Variants in IRX1 observed in about 807,000 individuals in gnomAD.
The protein encoded by IRX1 is iroquois homeobox 1.
In IRX1, 22 loss-of-function variants were observed where a neutral mutation model predicts 34.1. That is an observed-to-expected ratio of 0.64 (90% CI 0.46 to 0.92). The LOEUF is 0.92. Ranked by LOEUF, IRX1 falls within the 40% of genes least tolerant of loss-of-function variation. The probability of loss-of-function intolerance (pLI) is 0.00; values close to 1 mark genes in which losing one functional copy is unlikely to be tolerated. For synonymous variants in IRX1, 363 were observed against 319.0 expected, an observed-to-expected ratio of 1.14 and a Z score of -1.47; for missense variants, 758 against 680.0, an observed-to-expected ratio of 1.11 and a Z score of -1.28.
rs1293538044 is a variant in IRX1 at position 3,600,596 on chromosome 5, C to T, written c.1313-13C>T. 10 of 1,610,302 alleles carry T rather than the reference C, an allele frequency of 6.2e-6. No individual in the cohort carries two copies. Among genetic ancestry groups the T allele is most frequent in the Non-Finnish European group, 8.5e-6 (10 of 1,176,938 alleles). The stretch of plus-strand genomic sequence containing the variant: ...CTCTCCGTCCTAACTCTGCCTCTTC[C>T]GATCTCTCGCAGAGAGAGACCTCGT... On this transcript the variant is annotated splice_polypyrimidine_tract_variant and intron_variant, in intron 2 of 3. Coordinates refer to ENST00000302006, the MANE Select transcript of IRX1 (RefSeq NM_024337.4).
At chr5:3,597,941 G>GGA (rs927711868) in intron 1 of IRX1, among the ~76,000 whole-genome samples, 7 of 152,284 alleles carry the variant, frequency 4.6e-5, no homozygotes, top group African/African-American at 1.7e-4. Context: ...TGCGGGGGAG[G>GGA]GAGAGAGCTT....
At position 3,599,656 on chromosome 5, in the gene IRX1, C is replaced by A. The variant is rs1733901597; in HGVS notation, c.708C>A (p.His236Gln). 6.2e-7 allele frequency: 1 copy of A among 1,613,660 alleles called. No homozygotes were observed. Among genetic ancestry groups the A allele is most frequent in the Non-Finnish European group, 8.5e-7 (1 of 1,180,044 alleles). ...ESIDIDKIDEHDGDQSNEDDE... is the reference protein window; with the variant it reads ...ESIDIDKIDEQDGDQSNEDDE... ...TCGACATTGACAAGATCGACGAGCA[C>A]GATGGCGACCAGAGCAACGAGGATG... is the stretch of plus-strand genomic sequence containing the variant. Residue 236 changes from histidine to glutamine, a missense_variant, in exon 2 of 4, where the codon CAC becomes CAA. Physicochemically the swap from His to Gln is conservative, Grantham distance 24. Transcript: ENST00000302006. The surrounding 1 kb of genome is among the most constrained non-coding windows in gnomAD (Gnocchi z 6.6).
intron 1 of IRX1, among the ~76,000 whole-genome samples, chr5:3,597,420 C>T (rs894393641): frequency 6.6e-6 from 1 of 152,222 alleles, no homozygotes; most frequent in Non-Finnish European, 1.5e-5. Flanking sequence ...GATATCTCCC[C>T]GCTCCCCGCA....
At chr5:3,600,523 A>G (rs1180547479) in intron 2 of IRX1, 86 bp from the exon 3 acceptor site, 13 of 1,264,278 alleles carry the variant, frequency 1.0e-5, no homozygotes, top group Non-Finnish European at 1.4e-5. Context: ...CTGCCTGGGC[A>G]GCCGGCAGAA....
chr5:3,599,069 A>C lies in IRX1; in HGVS notation c.277-156A>C, dbSNP rs1043306587. Among the ~76,000 whole-genome samples the C allele has an allele frequency of 2.6e-5, 4 of 152,122 alleles. No homozygotes were observed. Among genetic ancestry groups the C allele is most frequent in the African/African-American group, 9.7e-5 (4 of 41,434 alleles). Reference sequence around the variant, plus strand: ...GGTGACTTCCTGATCTGCCCAGCACAGGAGAGCCCCGCAAAGCGCCTGGGA... The same window carrying C: ...GGTGACTTCCTGATCTGCCCAGCACCGGAGAGCCCCGCAAAGCGCCTGGGA... On this transcript the variant is annotated intron_variant, in intron 1 of 3. Coordinates refer to ENST00000302006, the MANE Select transcript of IRX1 (RefSeq NM_024337.4). The surrounding 1 kb of genome is among the most constrained non-coding windows in gnomAD (Gnocchi z 6.6).
chr5:3,597,314 G>C (rs1486099697), intron 1 of IRX1, among the ~76,000 whole-genome samples: 1 of 152,148 alleles, frequency 6.6e-6, no homozygotes, highest in East Asian at 1.9e-4. Context: ...CTTAAACTTC[G>C]GACGGCTGGT....
rs776412030 is a variant in IRX1, at chr5:3,599,649, A to T, written c.701A>T (p.Asp234Val). 3 of 1,613,796 alleles carry T rather than the reference A, an allele frequency of 1.9e-6. No homozygotes were observed. The highest frequency in any genetic ancestry group is 2.5e-6 in the Non-Finnish European group (3 of 1,180,000). ...DLESIDIDKI[D>V]EHDGDQSNED... The stretch of plus-strand genomic sequence containing the variant: ...GAAAGCATCGACATTGACAAGATCG[A>T]CGAGCACGATGGCGACCAGAGCAAC... The change falls in exon 2 of 4, where the codon GAC (aspartate) becomes GTC (valine). Residue 234 changes from aspartate to valine, a missense_variant. Asp to Val is a radical substitution (Grantham distance 152). This residue lies in a region of IRX1 where 529 missense variants were observed against 418.8 expected (regional missense o/e 1.26). Transcript: ENST00000302006. The surrounding 1 kb of genome is among the most constrained non-coding windows in gnomAD (Gnocchi z 6.6).
intron 1 of IRX1, among the ~76,000 whole-genome samples, chr5:3,598,379 C>G (rs1035087420): frequency 6.6e-6 from 1 of 152,136 alleles, no homozygotes; most frequent in African/African-American, 2.4e-5. Context: ...AGTGTTTGCT[C>G]CCTCCAGATC....
At position 3,599,135 on chromosome 5, in the gene IRX1, G is replaced by T. The variant is rs828339; in HGVS notation, c.277-90G>T. On this transcript the variant is annotated intron_variant, in intron 1 of 3. Coordinates refer to ENST00000302006, the MANE Select transcript of IRX1 (RefSeq NM_024337.4). This position sits in a 1 kb window ranked among gnomAD's most constrained non-coding sequence, Gnocchi z 6.6. ...TGAAGCGGCTGCTTCCCACTCTCCC[G>T]TCTTGGGGACTCATGTCTCTCTCTC... 2 of 1,362,350 alleles carry T rather than the reference G, an allele frequency of 1.5e-6. No homozygotes were observed. The highest frequency in any genetic ancestry group is 2.0e-6 in the Non-Finnish European group (2 of 1,006,200). The allele number at this position is 1,362,350 out of a possible 1,614,324, so 84.4% of individuals were successfully genotyped here.
In IRX1 at chr5:3,599,962, G is replaced by C. The variant is rs1489947065; in HGVS notation, c.1014G>C (p.Ala338=). ...GAPKASPPPP[A]GHPGAHGPSA... The stretch of plus-strand genomic sequence containing the variant: ...CCAAGGCTTCGCCACCACCACCCGC[G>C]GGCCACCCCGGCGCGCACGGGCCCT... The change falls in exon 2 of 4, where the codon GCG becomes GCC. Residue 338 remains alanine, a synonymous_variant. Transcript: ENST00000302006. This position sits in a 1 kb window ranked among gnomAD's most constrained non-coding sequence, Gnocchi z 6.6. The C allele has an allele frequency of 4.9e-5, 73 of 1,502,660 alleles. No individual in the cohort carries two copies. Among genetic ancestry groups the C allele is most frequent in the Non-Finnish European group, 6.3e-5 (71 of 1,122,284 alleles). 93.1% of individuals were successfully genotyped at this position (1,502,660 alleles called of 1,614,324 possible).
At chr5:3,597,243 G>A (rs374862146) in intron 1 of IRX1, among the ~76,000 whole-genome samples, 8 of 152,336 alleles carry the variant, frequency 5.3e-5, no homozygotes, top group African/African-American at 1.7e-4. Flanking sequence ...CTCCGCGGGG[G>A]CATTGGCCTG....
intron 2 of IRX1, among the ~76,000 whole-genome samples, 164 bp downstream of exon 2, chr5:3,600,424 G>C (rs534760397): frequency 6.6e-6 from 1 of 152,246 alleles, no homozygotes; most frequent in Non-Finnish European, 1.5e-5. Context: ...GCCAGACAAG[G>C]CCCTAGGGCT....
intron 1 of IRX1, among the ~76,000 whole-genome samples, chr5:3,598,186 G>GT (rs1358491628): frequency 1.3e-5 from 2 of 152,066 alleles, no homozygotes; most frequent in Non-Finnish European, 2.9e-5. Flanking sequence ...AGATAAAATT[G>GT]TATTTGAATG....
In IRX1 at chr5:3,600,138, C is replaced by T. The variant is rs1475259519; in HGVS notation, c.1190C>T (p.Pro397Leu). 6.2e-7 allele frequency: 1 copy of T among 1,613,248 alleles called. No homozygotes were observed. Among genetic ancestry groups the T allele is most frequent in the Non-Finnish European group, 8.5e-7 (1 of 1,179,910 alleles). Reference protein sequence around the residue: ...NMRSFLGVGAPHAAPHGPHLP... With the variant: ...NMRSFLGVGALHAAPHGPHLP... ...CGCTCCTTCCTGGGCGTTGGCGCTC[C>T]CCACGCCGCGCCCCATGGCCCTCAC... The change falls in exon 2 of 4, where the codon CCC becomes CTC. Residue 397 changes from proline to leucine, a missense_variant. Pro to Leu is a moderately conservative substitution (Grantham distance 98, BLOSUM62 -3). Transcript: ENST00000302006.
At position 3,596,056 on chromosome 5, in the gene IRX1, C is replaced by T; in HGVS notation, c.-50C>T. On this transcript the variant is annotated 5_prime_UTR_variant, in exon 1 of 4. Transcript: ENST00000302006. ...CCCTCCGGCCGGCCTCCGCCTCCCT[C>T]CCCGCGCCTTTAATACTCGCCCGCT... 1 of 1,036,116 alleles carries T rather than the reference C, an allele frequency of 9.7e-7. No homozygotes were observed. Among genetic ancestry groups the T allele is most frequent in the Non-Finnish European group, 1.2e-6 (1 of 861,846 alleles). The allele number at this position is 1,036,116 out of a possible 1,614,324, so 64.2% of individuals were successfully genotyped here.
chr5:3,597,650 G>GCTGAAACGTCTTCTTTACAATTACAA (rs1733820226), intron 1 of IRX1, among the ~76,000 whole-genome samples: 1 of 152,210 alleles, frequency 6.6e-6, no homozygotes, highest in African/African-American at 2.4e-5. Flanking sequence ...TGGAGACGAG[G>GCTGAAACGTCTTCTTTACAATTACAA]CTGAAACGTC....
In IRX1 at chr5:3,599,949, C is replaced by T; in HGVS notation, c.1001C>T (p.Pro334Leu). The T allele has an allele frequency of 6.7e-7, 1 of 1,503,494 alleles. No individual in the cohort carries two copies. The highest frequency in any genetic ancestry group is 8.9e-7 in the Non-Finnish European group (1 of 1,123,174). The allele number at this position is 1,503,494 out of a possible 1,614,324, so 93.1% of individuals were successfully genotyped here. A position where few individuals can be genotyped will look rare whatever the true frequency, so the allele number is the denominator to read the frequency against. ...TSPDGAPKAS[P>L]PPPAGHPGAH... is the part of the protein sequence containing the mutation. ...CCCGACGGTGCGCCCAAGGCTTCGC[C>T]ACCACCACCCGCGGGCCACCCCGGC... Residue 334 changes from proline (P) to leucine (L), a missense_variant, in exon 2 of 4, where the codon CCA (proline) becomes CTA (leucine). Pro to Leu is a moderately conservative substitution (Grantham distance 98). Transcript: ENST00000302006. The surrounding 1 kb of genome is among the most constrained non-coding windows in gnomAD (Gnocchi z 6.6).
intron 1 of IRX1, 22 bp downstream of exon 1, chr5:3,596,403 CG>C: frequency 6.7e-7 from 1 of 1,488,966 alleles, no homozygotes; most frequent in South Asian, 1.3e-5. Context: ...CGGCCTCCCC[CG>C]CTTCTCCTCT....
intron 1 of IRX1, among the ~76,000 whole-genome samples, chr5:3,598,293 G>A (rs1246863950): frequency 6.6e-6 from 1 of 152,220 alleles, no homozygotes. Context: ...AATTTGACTT[G>A]CTGTGTTTTA....
Sources: allele counts gnomAD v4.1 joint callset (sites outside exome capture counted in the v4.1 genomes callset), GRCh38; gene constraint gnomAD v4.1.1; regional missense constraint gnomAD v4.1.1; non-coding constraint Gnocchi (gnomAD v3.1); transcripts MANE v1.5; gene names NCBI Gene and HGNC (gene_info 2026-07-23, HGNC 2026-07-21).